Variants in NHS observed in about 807,000 individuals in gnomAD.
The protein encoded by NHS is actin remodeling regulator NHS.
In NHS, 5 loss-of-function variants were observed where a neutral mutation model predicts 72.5. That is an observed-to-expected ratio of 0.07 (90% CI 0.04 to 0.14). NHS has a LOEUF of 0.14. NHS is among the 10% of genes least tolerant of loss of function. The probability of loss-of-function intolerance (pLI) is 1.00; values close to 1 mark genes in which losing one functional copy is unlikely to be tolerated. For synonymous variants in NHS, 464 were observed against 547.7 expected, an observed-to-expected ratio of 0.85 and a Z score of 2.13; for missense variants, 1,072 against 1,355.7, an observed-to-expected ratio of 0.79 and a Z score of 3.29.
intron 2 of NHS, among the ~76,000 whole-genome samples, chrX:17,691,832 C>G (rs1284248024): frequency 3.6e-5 from 4 of 112,281 alleles, no homozygotes; most frequent in African/African-American, 1.3e-4. Flanking sequence ...TGTAAATACT[C>G]CCAACATGAG....
At chrX:17,599,277 T>C (rs2065638501) in intron 1 of NHS, among the ~76,000 whole-genome samples, 1 of 111,827 alleles carries the variant, frequency 8.9e-6, no homozygotes, top group Non-Finnish European at 1.9e-5. Flanking sequence ...TAAACAAATA[T>C]TCTGCTTTCA....
chrX:17,680,512 G>T (rs1175104177), intron 1 of NHS, among the ~76,000 whole-genome samples: 2 of 113,239 alleles, frequency 1.8e-5, no homozygotes, highest in Non-Finnish European at 3.7e-5. Flanking sequence ...ACACACGTGT[G>T]TGCACATGCA....
At chrX:17,690,203 GAATTAA>G (rs1215399291) in intron 2 of NHS, among the ~76,000 whole-genome samples, 1 of 112,501 alleles carries the variant, frequency 8.9e-6, no homozygotes, top group East Asian at 2.8e-4. Flanking sequence ...ATGCAGTGTA[GAATTAA>G]AATTAGAAAG....
intron 1 of NHS, among the ~76,000 whole-genome samples, chrX:17,418,543 A>T (rs1411770636): frequency 8.9e-6 from 1 of 111,967 alleles, no homozygotes; most frequent in East Asian, 2.8e-4. Flanking sequence ...CTTCAATCCA[A>T]TGCCAAGGAG....
chrX:17,669,851 A>G (rs886863795), intron 1 of NHS, among the ~76,000 whole-genome samples: 10 of 112,316 alleles, frequency 8.9e-5, no homozygotes, highest in Non-Finnish European at 1.5e-4. Flanking sequence ...CAAAGCCCCA[A>G]ATCCTCACTT....
At chrX:17,471,026 T>A (rs1287766667) in intron 1 of NHS, among the ~76,000 whole-genome samples, 2 of 111,976 alleles carry the variant, frequency 1.8e-5, no homozygotes, top group African/African-American at 6.5e-5. Context: ...ATTTAGATAC[T>A]TTATACCCAA....
intron 1 of NHS, among the ~76,000 whole-genome samples, chrX:17,441,926 A>T (rs1423638694): frequency 1.8e-5 from 2 of 112,241 alleles, no homozygotes; most frequent in African/African-American, 6.5e-5. Flanking sequence ...TTAAACTTGA[A>T]TGAGCGTCGG....
At chrX:17,444,909 TG>T (rs1296721542) in intron 1 of NHS, among the ~76,000 whole-genome samples, 3 of 111,393 alleles carry the variant, frequency 2.7e-5, no homozygotes, top group African/African-American at 9.8e-5. Flanking sequence ...GTTGGCTTTG[TG>T]TTTTTGCAAT....
chrX:17,647,118 G>A (rs1343537649), intron 1 of NHS, among the ~76,000 whole-genome samples: 6 of 111,684 alleles, frequency 5.4e-5, no homozygotes, highest in Admixed American at 2.9e-4. Flanking sequence ...AAAGTTCAAA[G>A]GCTCCAAGAT....
intron 1 of NHS, among the ~76,000 whole-genome samples, chrX:17,472,952 T>A (rs1003343551): frequency 5.3e-5 from 6 of 112,434 alleles, no homozygotes; most frequent in African/African-American, 1.6e-4. Flanking sequence ...GTCAAAGGAA[T>A]AGAGACCATG....
At chrX:17,694,951 C>G (rs373443813) in intron 3 of NHS, among the ~76,000 whole-genome samples, 4 of 111,902 alleles carry the variant, frequency 3.6e-5, no homozygotes, top group South Asian at 3.7e-4. Context: ...ATAATATCAA[C>G]TTTACAAGGT....
chrX:17,487,876 A>G (rs2064973625), intron 1 of NHS, among the ~76,000 whole-genome samples: 1 of 111,832 alleles, frequency 8.9e-6, no homozygotes, highest in African/African-American at 3.3e-5. Context: ...TAAAAAGTGC[A>G]GATTGACAGC....
intron 1 of NHS, among the ~76,000 whole-genome samples, chrX:17,550,211 G>C (rs1021759651): frequency 8.9e-6 from 1 of 112,133 alleles, no homozygotes; most frequent in Non-Finnish European, 1.9e-5. Context: ...AGGGCAGTCT[G>C]AGCTTGTTCC....
chrX:17,651,034 A>G (rs945778355), intron 1 of NHS, among the ~76,000 whole-genome samples: 22 of 112,465 alleles, frequency 2.0e-4, no homozygotes, highest in Admixed American at 6.6e-4. Context: ...TGAACTTCCA[A>G]TAACTTCAGC....
At chrX:17,389,210 A>C (rs1465594912) in intron 1 of NHS, among the ~76,000 whole-genome samples, 4 of 112,278 alleles carry the variant, frequency 3.6e-5, no homozygotes, top group Non-Finnish European at 7.5e-5. Context: ...CCTGCATAAC[A>C]TACAACCCTA....
At chrX:17,696,095 C>T (rs1339409083) in intron 3 of NHS, among the ~76,000 whole-genome samples, 1 of 111,768 alleles carries the variant, frequency 8.9e-6, no homozygotes, top group Non-Finnish European at 1.9e-5. Context: ...TTGCACATAG[C>T]ATCTCAACCT....
chrX:17,482,232 T>C (rs991043759), intron 1 of NHS, among the ~76,000 whole-genome samples: 5 of 112,024 alleles, frequency 4.5e-5, no homozygotes, highest in Non-Finnish European at 9.4e-5. Flanking sequence ...TGCCAACTTT[T>C]GGGTGCCCAC....
At chrX:17,696,391 A>G (rs1357812519) in intron 3 of NHS, among the ~76,000 whole-genome samples, 1 of 111,720 alleles carries the variant, frequency 9.0e-6, no homozygotes, top group Non-Finnish European at 1.9e-5. Context: ...ACTGAAAGTC[A>G]TTTGCCTCCA....
chrX:17,472,159 T>C (rs1186371699), intron 1 of NHS, among the ~76,000 whole-genome samples: 1 of 111,297 alleles, frequency 9.0e-6, no homozygotes, highest in East Asian at 2.8e-4. Context: ...TGTGTTAAGA[T>C]CAAGGCACTT....
Sources: allele counts gnomAD v4.1 joint callset (sites outside exome capture counted in the v4.1 genomes callset), GRCh38; gene constraint gnomAD v4.1.1; transcripts MANE v1.5; gene names NCBI Gene and HGNC (gene_info 2026-07-23, HGNC 2026-07-21).